The following TMEM178B variants were observed in gnomAD, a reference collection of about 807,000 sequenced individuals.
TMEM178B encodes the protein transmembrane protein 178B.
TMEM178B carries 5 observed loss-of-function variants against 31.0 expected under a neutral mutation model. The observed-to-expected ratio is 0.16, with a 90% CI of 0.08 to 0.34. TMEM178B has a LOEUF of 0.34. Among genes scored for constraint, TMEM178B ranks in the 10% least tolerant of loss-of-function variants. TMEM178B has a pLI of 1.00. For synonymous variants in TMEM178B, 164 were observed against 164.0 expected (o/e 1.00, Z 0.00); for missense variants, 275 against 400.3 (o/e 0.69, Z 2.67).
At chr7:141,154,267 A>G (rs1297976368) in intron 1 of TMEM178B, among the ~76,000 whole-genome samples, 1 of 152,256 alleles carries the variant, frequency 6.6e-6, no homozygotes, top group East Asian at 1.9e-4. Flanking sequence ...TAAAGGAAAC[A>G]TGTATTACCA....
At chr7:141,168,147 C>A (rs1796290737) in intron 1 of TMEM178B, among the ~76,000 whole-genome samples, 1 of 152,188 alleles carries the variant, frequency 6.6e-6, no homozygotes, top group Non-Finnish European at 1.5e-5. Context: ...AAGTGACTTG[C>A]TTGAGCTGGT....
chr7:141,204,800 G>A (rs566537006), intron 1 of TMEM178B, among the ~76,000 whole-genome samples: 1 of 152,232 alleles, frequency 6.6e-6, no homozygotes, highest in African/African-American at 2.4e-5. Context: ...TTTGCTGTGC[G>A]AATGTAAACA....
intron 1 of TMEM178B, among the ~76,000 whole-genome samples, chr7:141,110,126 A>C (rs1472483761): frequency 6.6e-6 from 1 of 152,204 alleles, no homozygotes; most frequent in Admixed American, 6.5e-5. Context: ...TATTTCTTTA[A>C]TAATTTTATT....
intron 2 of TMEM178B, among the ~76,000 whole-genome samples, chr7:141,419,156 C>T (rs1246229333): frequency 6.6e-6 from 1 of 152,148 alleles, no homozygotes; most frequent in East Asian, 1.9e-4. Context: ...GTGATCCACC[C>T]ACCTTGGCCT....
chr7:141,079,050 G>A (rs1794642780), intron 1 of TMEM178B, among the ~76,000 whole-genome samples: 1 of 152,212 alleles, frequency 6.6e-6, no homozygotes, highest in Non-Finnish European at 1.5e-5. Flanking sequence ...ACTTTGGGAG[G>A]CCGAGGCAGG....
chr7:141,291,397 A>C (rs1798543880), intron 2 of TMEM178B, among the ~76,000 whole-genome samples: 1 of 152,162 alleles, frequency 6.6e-6, no homozygotes, highest in Non-Finnish European at 1.5e-5. Context: ...AGTAGGTTAG[A>C]CCATGATGTG....
chr7:141,091,770 C>T (rs1431641988), intron 1 of TMEM178B, among the ~76,000 whole-genome samples: 1 of 152,184 alleles, frequency 6.6e-6, no homozygotes, highest in East Asian at 1.9e-4. Context: ...CTCTGTCTCC[C>T]AGGCTGGAGT....
At chr7:141,174,975 G>T (rs951429308) in intron 1 of TMEM178B, among the ~76,000 whole-genome samples, 2 of 152,010 alleles carry the variant, frequency 1.3e-5, no homozygotes, top group Non-Finnish European at 2.9e-5. Flanking sequence ...ATCAGATCCC[G>T]TTTGTCAATT....
the TMEM178B span, among the ~76,000 whole-genome samples, chr7:141,509,122 T>C: frequency 6.6e-6 from 1 of 152,180 alleles, no homozygotes; most frequent in East Asian, 1.9e-4. Flanking sequence ...TGTACATTCA[T>C]AGACATGCCA....
chr7:141,192,529 C>T (rs1033701510), intron 1 of TMEM178B, among the ~76,000 whole-genome samples: 1 of 151,822 alleles, frequency 6.6e-6, no homozygotes, highest in South Asian at 2.1e-4. Context: ...CACTCTGTCG[C>T]CCAGGCTGGA....
chr7:141,237,695 A>C lies in TMEM178B; in HGVS notation c.496+24991A>C, dbSNP rs141757071. 9.0e-4 allele frequency among the ~76,000 whole-genome samples: 137 copies of C among 152,306 alleles called. No individual in the cohort carries two copies. The East Asian group carries it at 0.025, about 28-fold the overall frequency. Reference sequence around the variant, plus strand: ...TGATTCATTGAAGTAAAATAATAACAACCACCACCATCACCATCAGATACT... The same window carrying C: ...TGATTCATTGAAGTAAAATAATAACCACCACCACCATCACCATCAGATACT... On this transcript the variant is annotated intron_variant, in intron 2 of 3. Transcript: ENST00000565468.
At chr7:141,342,537 C>T (rs1799533077) in intron 2 of TMEM178B, among the ~76,000 whole-genome samples, 2 of 152,204 alleles carry the variant, frequency 1.3e-5, no homozygotes, top group South Asian at 4.1e-4. Context: ...CGAGGTCTTC[C>T]TGATGACCCT....
In TMEM178B at chr7:141,383,332, T is replaced by TA. The variant is rs370040736; in HGVS notation, c.497-54275dup. ...GTGCTGCACCCATTAACTCGTCATT[T>TA]ACATTAGGTGTGTCTCCTAATGCTA... On this transcript the variant is annotated intron_variant, in intron 2 of 3. Transcript: ENST00000565468. Among the ~76,000 whole-genome samples, 656 of 151,524 alleles carry TA rather than the reference T, an allele frequency of 4.3e-3. 2 individuals are homozygous for TA. Among genetic ancestry groups the TA allele is most frequent in the South Asian group, 0.023 (108 of 4,692 alleles).
intron 2 of TMEM178B, among the ~76,000 whole-genome samples, chr7:141,255,628 A>G (rs1797914629): frequency 6.9e-6 from 1 of 144,598 alleles, no homozygotes; most frequent in South Asian, 2.3e-4. Context: ...AAGAGTCACT[A>G]CATTATTCTT....
chr7:141,462,334 T>G (rs1802072324), intron 3 of TMEM178B, among the ~76,000 whole-genome samples: 1 of 151,890 alleles, frequency 6.6e-6, no homozygotes, highest in Non-Finnish European at 1.5e-5. Context: ...CACTAAAAAT[T>G]TGTGTGTGGC....
intron 2 of TMEM178B, among the ~76,000 whole-genome samples, chr7:141,417,574 C>T (rs113652258): frequency 0.018 from 2,687 of 152,274 alleles, 90 homozygotes; most frequent in African/African-American, 0.061. Context: ...TCTTACAGAA[C>T]GGGTGATTCT....
chr7:141,254,585 G>T (rs955865985), intron 2 of TMEM178B, among the ~76,000 whole-genome samples: 1 of 152,150 alleles, frequency 6.6e-6, no homozygotes, highest in African/African-American at 2.4e-5. Flanking sequence ...AGGCGTGGTG[G>T]CAGGCACCTG....
intron 2 of TMEM178B, among the ~76,000 whole-genome samples, chr7:141,309,883 T>A (rs970960795): frequency 6.6e-6 from 1 of 152,120 alleles, no homozygotes; most frequent in Admixed American, 6.5e-5. Context: ...GCTGTTATCT[T>A]TAAAAAATGT....
chr7:141,235,637 A>G (rs1797516185), intron 2 of TMEM178B, among the ~76,000 whole-genome samples: 1 of 152,214 alleles, frequency 6.6e-6, no homozygotes, highest in Non-Finnish European at 1.5e-5. Context: ...GTCAAGGATA[A>G]AAAAGTGCAT....
Sources: gnomAD v4.1 joint callset for allele counts (sites outside exome capture counted in the v4.1 genomes callset) on GRCh38, gnomAD v4.1.1 for gene constraint, MANE v1.5 for transcripts, NCBI Gene and HGNC (gene_info 2026-07-23, HGNC 2026-07-21) for gene names.